The following NXPE4 variants were observed in gnomAD, a reference collection of about 807,000 sequenced individuals.
NXPE4 encodes neurexophilin and PC-esterase domain family member 4, also known as NXPE family member 4.
In NXPE4, 42 loss-of-function variants were observed where a neutral mutation model predicts 33.3. The ratio of observed to expected loss-of-function variants is 1.26; its 90% confidence interval spans 0.98 to 1.63. The LOEUF (loss-of-function observed/expected upper bound fraction) is 1.63, where lower values mean the gene tolerates loss of function less well. Ranked by LOEUF, NXPE4 falls within the 40% of genes most tolerant of loss-of-function variation. NXPE4 has a pLI of 0.00. For synonymous variants in NXPE4, 253 were observed against 234.9 expected, an observed-to-expected ratio of 1.08 and a Z score of -0.71; for missense variants, 709 against 647.6, an observed-to-expected ratio of 1.09 and a Z score of -1.03.
chr11:114,623,504 GATA>G, the NXPE4 span, among the ~76,000 whole-genome samples: 2 of 152,178 alleles, frequency 1.3e-5, no homozygotes, highest in African/African-American at 2.4e-5. Context: ...TTACCCAGTG[GATA>G]ATAAGTATTC....
rs750621625 is a variant in NXPE4, at chr11:114,582,314, G to T, written c.804C>A (p.Ser268Arg). The T allele has an allele frequency of 6.3e-6, 10 of 1,586,090 alleles. No homozygotes were observed. Among genetic ancestry groups the T allele is most frequent in the Non-Finnish European group, 8.6e-6 (10 of 1,166,912 alleles). Residue 268 changes from serine to arginine, a missense_variant, in exon 3 of 6, where the codon AGC becomes AGA. Physicochemically the swap from Ser to Arg is moderately radical, Grantham distance 110. Transcript: ENST00000375478. Reference sequence around the variant, plus strand: ...TTTCAAAGAGGCTCTTTTCTTGTTTGCTAAGATAAGAAACTTTCTTGTTCT... The same window carrying T: ...TTTCAAAGAGGCTCTTTTCTTGTTTTCTAAGATAAGAAACTTTCTTGTTCT... ...YSKNKKVSYL[S>R]KQEKSLFERS...
At chr11:114,649,934 T>C in the NXPE4 span, among the ~76,000 whole-genome samples, 2 of 152,194 alleles carry the variant, frequency 1.3e-5, no homozygotes, top group African/African-American at 4.8e-5. Context: ...GAAGCTTCAA[T>C]TGTACATTTG....
intron 5 of NXPE4, among the ~76,000 whole-genome samples, chr11:114,575,139 G>A (rs964308310): frequency 6.6e-6 from 1 of 151,974 alleles, no homozygotes; most frequent in Admixed American, 6.6e-5. Flanking sequence ...AGAAAATCCA[G>A]CATCCATTAG....
At chr11:114,623,185 T>G in the NXPE4 span, among the ~76,000 whole-genome samples, 1 of 152,022 alleles carries the variant, frequency 6.6e-6, no homozygotes, top group Non-Finnish European at 1.5e-5. Context: ...AATTATTGCC[T>G]CTAGGGTAAC....
chr11:114,615,352 T>C, the NXPE4 span, among the ~76,000 whole-genome samples: 1 of 152,052 alleles, frequency 6.6e-6, no homozygotes, highest in Non-Finnish European at 1.5e-5. Flanking sequence ...AAGTTTTGCC[T>C]CGTGGATAAC....
chr11:114,597,206 A>G (rs932537599), upstream of NXPE4, among the ~76,000 whole-genome samples: 1 of 152,236 alleles, frequency 6.6e-6, no homozygotes. Context: ...TAAATCAACA[A>G]TGAAGATTAA....
chr11:114,625,294 C>A, the NXPE4 span, among the ~76,000 whole-genome samples: 85 of 152,238 alleles, frequency 5.6e-4, 1 homozygote, highest in East Asian at 7.5e-3. Context: ...TGCGTAACCA[C>A]AGTTACCCAG....
the NXPE4 span, among the ~76,000 whole-genome samples, chr11:114,657,209 C>T: frequency 5.3e-5 from 8 of 152,184 alleles, no homozygotes; most frequent in African/African-American, 1.7e-4. Context: ...CTGATGCCTT[C>T]TCTGTCTTTC....
At chr11:114,599,414 C>T (rs555922615), upstream of NXPE4, among the ~76,000 whole-genome samples, 4 of 152,166 alleles carry the variant, frequency 2.6e-5, no homozygotes, top group Non-Finnish European at 5.9e-5. Flanking sequence ...GGGCCCTCCA[C>T]CCTCTGCCTG....
intron 4 of NXPE4, 102 bp from the exon 5 acceptor site, chr11:114,580,440 G>A: frequency 1.1e-6 from 1 of 940,552 alleles, no homozygotes; most frequent in Non-Finnish European, 1.7e-6. Flanking sequence ...AGGGGGTAAG[G>A]TGGTGGTAAT....
the NXPE4 span, among the ~76,000 whole-genome samples, chr11:114,641,268 A>G: frequency 2.6e-5 from 4 of 152,028 alleles, no homozygotes; most frequent in African/African-American, 9.7e-5. Flanking sequence ...TAATATCACT[A>G]TCTATATTTT....
the NXPE4 span, among the ~76,000 whole-genome samples, chr11:114,617,086 T>A: frequency 6.7e-6 from 1 of 149,822 alleles, no homozygotes; most frequent in Admixed American, 6.6e-5. Context: ...CAACTGTTAA[T>A]GCATGGATAA....
At chr11:114,642,632 A>G in the NXPE4 span, among the ~76,000 whole-genome samples, 4 of 152,084 alleles carry the variant, frequency 2.6e-5, no homozygotes, top group African/African-American at 9.7e-5. Flanking sequence ...CATGGTGTAC[A>G]TGTGCCACAT....
chr11:114,599,215 G>A (rs1190921215), upstream of NXPE4, among the ~76,000 whole-genome samples: 2 of 152,090 alleles, frequency 1.3e-5, no homozygotes, highest in Non-Finnish European at 2.9e-5. Context: ...GGGGTACAGT[G>A]CCTCCAAGTT....
chr11:114,590,299 G>A (rs1300846741), intron 2 of NXPE4, among the ~76,000 whole-genome samples: 2 of 152,146 alleles, frequency 1.3e-5, no homozygotes, highest in East Asian at 3.9e-4. Flanking sequence ...GCCCAGCTTT[G>A]CAAAACCTTG....
At chr11:114,622,854 G>A in the NXPE4 span, among the ~76,000 whole-genome samples, 618 of 151,804 alleles carry the variant, frequency 4.1e-3, 5 homozygotes, top group South Asian at 0.029. Flanking sequence ...TTGCTTCATG[G>A]GATACCACTG....
chr11:114,657,439 C>T, the NXPE4 span, among the ~76,000 whole-genome samples: 1 of 151,972 alleles, frequency 6.6e-6, no homozygotes, highest in Non-Finnish European at 1.5e-5. Context: ...TAGTGATATC[C>T]AAGATTTTTA....
chr11:114,618,809 C>T, the NXPE4 span, among the ~76,000 whole-genome samples: 1 of 151,880 alleles, frequency 6.6e-6, no homozygotes, highest in Non-Finnish European at 1.5e-5. Flanking sequence ...CAGTGTTACC[C>T]AGTGGATAGT....
chr11:114,581,765 A>G lies in NXPE4; in HGVS notation c.852T>C (p.Ile284=), dbSNP rs1172337834. 6 of 1,611,104 alleles carry G rather than the reference A, an allele frequency of 3.7e-6. No homozygotes were observed. Among genetic ancestry groups the G allele is most frequent in the Non-Finnish European group, 5.1e-6 (6 of 1,178,586 alleles). The stretch of plus-strand genomic sequence containing the variant: ...CACTAATTGTATTGAATTTTTCCAT[A>G]ATCTCTACACCCACATTTGACCTTA... ...LFERSNVGVE[I]MEKFNTISVS... is the part of the protein sequence containing the mutation. Residue 284 remains isoleucine (I), a synonymous_variant, in exon 4 of 6, where the codon ATT becomes ATC. Transcript: ENST00000375478.
Sources: gnomAD v4.1 joint callset for allele counts (sites outside exome capture counted in the v4.1 genomes callset) on GRCh38, gnomAD v4.1.1 for gene constraint, MANE v1.5 for transcripts, NCBI Gene and HGNC (gene_info 2026-07-23, HGNC 2026-07-21) for gene names.